Variants in FOXP2 observed in about 807,000 individuals in gnomAD.
FOXP2 encodes forkhead box protein P2.
A neutral mutation model predicts 115.8 loss-of-function variants in FOXP2; 12 were observed. The ratio of observed to expected loss-of-function variants is 0.10; its 90% CI spans 0.07 to 0.17. The LOEUF is 0.17. FOXP2 is among the 10% of genes least tolerant of loss of function. FOXP2 has a pLI of 1.00. For synonymous variants in FOXP2, 328 were observed against 297.7 expected (o/e 1.10, Z -1.05); for missense variants, 629 against 843.5 (o/e 0.75, Z 3.15).
intron 2 of FOXP2, among the ~76,000 whole-genome samples, chr7:114,336,241 G>T (rs193181243): frequency 1.3e-4 from 20 of 151,168 alleles, no homozygotes; most frequent in African/African-American, 4.6e-4. Flanking sequence ...AACTTGTCTC[G>T]GGGGGAAAAC....
At chr7:114,643,760 T>A (rs1021069697) in intron 7 of FOXP2, among the ~76,000 whole-genome samples, 1 of 152,178 alleles carries the variant, frequency 6.6e-6, no homozygotes. Flanking sequence ...AAAGATGAAA[T>A]GTAAGTGTAG....
intron 1 of FOXP2, among the ~76,000 whole-genome samples, chr7:114,175,033 G>C (rs1361906279): frequency 6.6e-6 from 1 of 152,010 alleles, no homozygotes; most frequent in East Asian, 1.9e-4. Flanking sequence ...ACTAAAGAGA[G>C]GGTTGTAACA....
At chr7:114,089,666 T>A (rs946219026) in intron 1 of FOXP2, among the ~76,000 whole-genome samples, 1 of 151,678 alleles carries the variant, frequency 6.6e-6, no homozygotes, top group Non-Finnish European at 1.5e-5. Context: ...AAAAAAAAAA[T>A]AAGATAAACC....
chr7:114,223,963 A>T (rs1458301384), intron 1 of FOXP2, among the ~76,000 whole-genome samples: 1 of 152,106 alleles, frequency 6.6e-6, no homozygotes. Context: ...AAAGGCTTCA[A>T]CTTCTGACTT....
intron 1 of FOXP2, among the ~76,000 whole-genome samples, chr7:114,130,527 C>T (rs981476087): frequency 1.3e-5 from 2 of 152,078 alleles, no homozygotes; most frequent in Non-Finnish European, 2.9e-5. Context: ...AGTATTTCTT[C>T]ACTATAAAAT....
intron 3 of FOXP2, among the ~76,000 whole-genome samples, chr7:114,586,618 A>C (rs1447704245): frequency 6.6e-6 from 1 of 152,016 alleles, no homozygotes; most frequent in Admixed American, 6.6e-5. Context: ...TAAAAAATTT[A>C]TTTTTAAAAT....
At chr7:114,339,609 A>G (rs1196532004) in intron 2 of FOXP2, among the ~76,000 whole-genome samples, 1 of 151,136 alleles carries the variant, frequency 6.6e-6, no homozygotes. Context: ...TAACACCCTT[A>G]TGAGATAATC....
At chr7:114,564,878 C>CAA (rs35022872) in intron 3 of FOXP2, among the ~76,000 whole-genome samples, 117 of 88,112 alleles carry the variant, frequency 1.3e-3, no homozygotes, top group East Asian at 8.3e-3. Context: ...AAGGCCCTGT[C>CAA]AAAAAAAAAA....
At chr7:114,099,911 G>T (rs2129140442) in intron 1 of FOXP2, among the ~76,000 whole-genome samples, 1 of 152,266 alleles carries the variant, frequency 6.6e-6, no homozygotes, top group Non-Finnish European at 1.5e-5. Flanking sequence ...GATTTTAGCT[G>T]GTCCTGCCAG....
At position 114,693,443 on chromosome 7, in the gene FOXP2, T is replaced by C. The variant is rs79694890; in HGVS notation, c.*3517T>C. ...AGTTTTCAAGTTGGACATTTACATT[T>C]TTGAGAATTTTGAGACTTCATCTTA... On this transcript the variant is annotated 3_prime_UTR_variant, in exon 17 of 17. Coordinates refer to ENST00000350908, the MANE Select transcript of FOXP2 (RefSeq NM_014491.4). The C allele has an allele frequency of 1.3e-3, 574 of 453,362 alleles. 1 individual carries two copies. The highest frequency in any genetic ancestry group is 2.3e-3 in the Non-Finnish European group (517 of 226,450). 28.1% of individuals were successfully genotyped at this position (453,362 alleles called of 1,614,324 possible). A position where few individuals can be genotyped will look rare whatever the true frequency, so the allele number is the denominator to read the frequency against.
At chr7:114,293,231 T>C (rs531221613) in intron 2 of FOXP2, among the ~76,000 whole-genome samples, 16 of 152,292 alleles carry the variant, frequency 1.1e-4, no homozygotes, top group African/African-American at 3.6e-4. Context: ...TTATGCATGA[T>C]ATTAAGACAT....
In FOXP2 at chr7:114,241,827, C is replaced by G. The variant is rs146916799; in HGVS notation, c.-101-46192C>G. Reference sequence around the variant, plus strand: ...TGACATAATTAAATTATCTCTGTTACCATCTGCCCAAACCAAATCATCAAT... The same window carrying G: ...TGACATAATTAAATTATCTCTGTTAGCATCTGCCCAAACCAAATCATCAAT... On this transcript the variant is annotated intron_variant, in intron 1 of 17. Transcript: ENST00000634411. Among the ~76,000 whole-genome samples, 706 of 151,750 alleles carry G rather than the reference C, an allele frequency of 4.7e-3. 9 individuals are homozygous for G. The highest frequency in any genetic ancestry group is 0.016 in the African/African-American group (666 of 41,428).
chr7:114,472,033 T>A (rs1356265877), intron 2 of FOXP2, among the ~76,000 whole-genome samples: 1 of 152,056 alleles, frequency 6.6e-6, no homozygotes, highest in Non-Finnish European at 1.5e-5. Context: ...CCAAAGCTCA[T>A]GTGCTGCACT....
chr7:114,149,506 C>T (rs778094766), intron 1 of FOXP2, among the ~76,000 whole-genome samples: 1 of 152,028 alleles, frequency 6.6e-6, no homozygotes, highest in Admixed American at 6.6e-5. Context: ...CCTTCTAGCT[C>T]ACCTGCACTA....
At chr7:114,213,727 T>C (rs1794415364) in intron 1 of FOXP2, among the ~76,000 whole-genome samples, 1 of 152,204 alleles carries the variant, frequency 6.6e-6, no homozygotes, top group South Asian at 2.1e-4. Context: ...GACTCAAGCT[T>C]GATTTGAATG....
chr7:114,664,462 A>G (rs1256242526), intron 16 of FOXP2, 26 bp downstream of exon 16: 1 of 1,612,800 alleles, frequency 6.2e-7, no homozygotes, highest in East Asian at 2.2e-5. Context: ...AGACTCTCTA[A>G]AGGGAAGAAT....
chr7:114,265,662 A>G (rs901178360), intron 1 of FOXP2, among the ~76,000 whole-genome samples: 1 of 151,082 alleles, frequency 6.6e-6, no homozygotes, highest in African/African-American at 2.4e-5. Context: ...AAACAACCCT[A>G]GTAGAGGTTC....
chr7:114,394,003 T>C (rs62469234), intron 2 of FOXP2, among the ~76,000 whole-genome samples: 1 of 59,004 alleles, frequency 1.7e-5, no homozygotes, highest in Non-Finnish European at 4.5e-5. Context: ...TGTGTGTGTG[T>C]GTGAGAGAGA....
At chr7:114,388,859 T>C (rs984982201) in intron 2 of FOXP2, among the ~76,000 whole-genome samples, 12 of 152,214 alleles carry the variant, frequency 7.9e-5, no homozygotes, top group African/African-American at 2.7e-4. Flanking sequence ...GAATTGTCAG[T>C]AATTATACTA....
Sources: allele counts gnomAD v4.1 joint callset (sites outside exome capture counted in the v4.1 genomes callset), GRCh38; gene constraint gnomAD v4.1.1; transcripts MANE v1.5; gene names NCBI Gene and HGNC (gene_info 2026-07-23, HGNC 2026-07-21).